Variants in DAB1 observed in about 807,000 individuals in gnomAD.
The protein encoded by DAB1 is disabled homolog 1.
A neutral mutation model predicts 64.6 loss-of-function variants in DAB1; 15 were observed. The ratio of observed to expected loss-of-function variants is 0.23; its 90% CI spans 0.16 to 0.36. The LOEUF (loss-of-function observed/expected upper bound fraction) is 0.36. Among genes scored for constraint, DAB1 ranks in the 10% least tolerant of loss-of-function variants. The pLI is 1.00. For missense variants in DAB1, 596 were observed against 706.7 expected (o/e 0.84, Z 1.78); for synonymous variants, 235 against 251.9 (o/e 0.93, Z 0.64).
intron 5 of DAB1, among the ~76,000 whole-genome samples, chr1:57,921,235 G>C (rs1204320221): frequency 6.6e-6 from 1 of 152,170 alleles, no homozygotes; most frequent in African/African-American, 2.4e-5. Context: ...TTAAAAAAGT[G>C]AATATAATAT....
At chr1:57,439,529 T>C (rs1685852547) in intron 7 of DAB1, among the ~76,000 whole-genome samples, 1 of 147,492 alleles carries the variant, frequency 6.8e-6, no homozygotes, top group African/African-American at 2.5e-5. Context: ...CCCGAGTTCA[T>C]GCCATTCTCC....
At chr1:57,513,348 C>T (rs1048780623) in intron 7 of DAB1, among the ~76,000 whole-genome samples, 3 of 152,106 alleles carry the variant, frequency 2.0e-5, no homozygotes, top group African/African-American at 7.2e-5. Flanking sequence ...ATGTCATTTC[C>T]TTAATGAGGT....
chr1:58,001,368 A>G (rs1646504411), intron 5 of DAB1, among the ~76,000 whole-genome samples: 1 of 152,080 alleles, frequency 6.6e-6, no homozygotes, highest in African/African-American at 2.4e-5. Context: ...GGTTCAAGCA[A>G]TTCTCATGCC....
chr1:57,763,812 G>A lies in DAB1; in HGVS notation n.552-114147C>T, dbSNP rs542376829. On this transcript the variant is annotated intron_variant and non_coding_transcript_variant, in intron 6 of 20. Transcript: ENST00000485760. ...TAAGCGGAATTAAAGACTTCAGGAG[G>A]GTTTTCATTCTTGATAGTGTGTTTG... is the stretch of plus-strand genomic sequence containing the variant. Among the ~76,000 whole-genome samples, 175 of 152,142 alleles carry A rather than the reference G, an allele frequency of 1.2e-3. 1 individual carries two copies. Among genetic ancestry groups the A allele is most frequent in the South Asian group, 7.0e-3 (34 of 4,824 alleles).
At chr1:57,431,143 C>CAAAAAAAAAAAAAAAAAAAAAAAAAAAA (rs77701798) in intron 7 of DAB1, among the ~76,000 whole-genome samples, 1 of 96,406 alleles carries the variant, frequency 1.0e-5, no homozygotes, top group Non-Finnish European at 2.2e-5. Context: ...AGGCCAAAAA[C>CAAAAAAAAAAAAAAAAAAAAAAAAAAAA]AAAAAAAAAA....
chr1:57,013,830 C>T (rs993995086), intron 12 of DAB1, among the ~76,000 whole-genome samples: 3 of 152,194 alleles, frequency 2.0e-5, no homozygotes, highest in African/African-American at 7.2e-5. Flanking sequence ...GATTTGGCTG[C>T]ACAGTCACTG....
chr1:57,962,339 C>T (rs1242681795), intron 5 of DAB1, among the ~76,000 whole-genome samples: 1 of 152,024 alleles, frequency 6.6e-6, no homozygotes, highest in Non-Finnish European at 1.5e-5. Context: ...TCTTATTTTT[C>T]CATGGGCATA....
chr1:57,641,470 G>A (rs763138828), intron 7 of DAB1, among the ~76,000 whole-genome samples: 8 of 135,360 alleles, frequency 5.9e-5, no homozygotes, highest in East Asian at 2.4e-4. Context: ...TGCAAGCTCC[G>A]CTGCTGGGGT....
chr1:57,226,046 T>A (rs996777292), intron 2 of DAB1, among the ~76,000 whole-genome samples: 3 of 152,146 alleles, frequency 2.0e-5, no homozygotes, highest in Non-Finnish European at 4.4e-5. Flanking sequence ...TCTCCCTCAA[T>A]GCTCACTCCT....
chr1:58,059,705 C>A (rs1648369880), intron 5 of DAB1, among the ~76,000 whole-genome samples: 1 of 152,230 alleles, frequency 6.6e-6, no homozygotes, highest in Non-Finnish European at 1.5e-5. Context: ...ATAGCCAAAT[C>A]CACCACATGG....
At chr1:57,900,533 C>A (rs1307860735) in intron 5 of DAB1, among the ~76,000 whole-genome samples, 1 of 152,194 alleles carries the variant, frequency 6.6e-6, no homozygotes, top group Non-Finnish European at 1.5e-5. Context: ...GGCTAGGCTA[C>A]CTGAGCAAGC....
At chr1:58,420,061 G>T (rs546137820) in intron 3 of DAB1, among the ~76,000 whole-genome samples, 1 of 152,290 alleles carries the variant, frequency 6.6e-6, no homozygotes, top group Admixed American at 6.5e-5. Flanking sequence ...TCCTGGAGTG[G>T]TTTTACTCTC....
At chr1:57,608,941 C>T (rs186502556) in intron 7 of DAB1, among the ~76,000 whole-genome samples, 4 of 152,190 alleles carry the variant, frequency 2.6e-5, no homozygotes, top group East Asian at 1.9e-4. Flanking sequence ...TGAAGACATG[C>T]GGTATTGAGC....
chr1:57,003,111 T>C (rs1265583534), intron 14 of DAB1, among the ~76,000 whole-genome samples: 1 of 152,240 alleles, frequency 6.6e-6, no homozygotes, highest in South Asian at 2.1e-4. Flanking sequence ...AATAAAAGAA[T>C]GGTGCTGGAC....
intron 7 of DAB1, among the ~76,000 whole-genome samples, chr1:57,487,211 T>C (rs1644103609): frequency 6.6e-6 from 1 of 152,184 alleles, no homozygotes; most frequent in Admixed American, 6.5e-5. Flanking sequence ...TAGTTCCTCT[T>C]AATTCTTCTC....
chr1:57,950,343 C>T (rs1339153080), intron 5 of DAB1, among the ~76,000 whole-genome samples: 6 of 152,136 alleles, frequency 3.9e-5, no homozygotes, highest in Admixed American at 3.9e-4. Flanking sequence ...TAAATGTTAG[C>T]AATTTTTCTA....
chr1:57,945,411 C>T (rs111465385), intron 5 of DAB1, among the ~76,000 whole-genome samples: 3,152 of 149,040 alleles, frequency 0.021, 49 homozygotes, highest in Middle Eastern at 0.058. Context: ...AGGCATATAC[C>T]ACCACACTTG....
intron 7 of DAB1, among the ~76,000 whole-genome samples, chr1:57,439,482 G>A (rs1173495819): frequency 7.3e-6 from 1 of 136,162 alleles, no homozygotes; most frequent in East Asian, 2.3e-4. Flanking sequence ...AGGCTGGAGT[G>A]CAGTGGCGTG....
At chr1:57,133,751 A>T (rs114136277) in intron 4 of DAB1, among the ~76,000 whole-genome samples, 4 of 152,326 alleles carry the variant, frequency 2.6e-5, no homozygotes, top group African/African-American at 9.6e-5. Flanking sequence ...TTTTAAAAAA[A>T]GTGCAGTCAA....
Sources: allele counts gnomAD v4.1 joint callset (sites outside exome capture counted in the v4.1 genomes callset), GRCh38; gene constraint gnomAD v4.1.1; transcripts MANE v1.5; gene names NCBI Gene and HGNC (gene_info 2026-07-23, HGNC 2026-07-21).